HSPA4: variants seen among roughly 807,000 people sequenced by gnomAD.
HSPA4 encodes heat shock 70 kDa protein 4.
Under a neutral mutation model 106.2 loss-of-function variants are expected in HSPA4, and 25 were observed. The observed-to-expected ratio is 0.24, with a 90% CI of 0.17 to 0.33. The LOEUF is 0.33. HSPA4 is among the 10% of genes least tolerant of loss of function. The pLI is 1.00. For synonymous variants in HSPA4, 332 were observed against 333.6 expected (o/e 1.00, Z 0.05); for missense variants, 841 against 996.0 (o/e 0.84, Z 2.10).
At chr5:133,097,942 TGGGTACA>T (rs1765735529) in intron 15 of HSPA4, among the ~76,000 whole-genome samples, 2 of 152,078 alleles carry the variant, frequency 1.3e-5, no homozygotes, top group Non-Finnish European at 2.9e-5. Context: ...GAATAGCTCT[TGGGTACA>T]GGTGGTTTTT....
At chr5:133,081,080 G>A (rs1486355990) in intron 7 of HSPA4, among the ~76,000 whole-genome samples, 1 of 151,888 alleles carries the variant, frequency 6.6e-6, no homozygotes, top group African/African-American at 2.4e-5. Flanking sequence ...CAGAGTCTCA[G>A]TAGGTCACCC....
intron 5 of HSPA4, 133 bp from the exon 6 acceptor site, chr5:133,073,860 T>C: frequency 1.9e-6 from 1 of 529,536 alleles, no homozygotes; most frequent in Non-Finnish European, 3.2e-6. Flanking sequence ...TATACAGTGC[T>C]TATAAAGAAT....
At position 133,067,524 on chromosome 5, in the gene HSPA4, T is replaced by C; in HGVS notation, c.273T>C (p.Ile91=). 6.2e-7 allele frequency: 1 copy of C among 1,613,990 alleles called. No homozygotes were observed. The highest frequency in any genetic ancestry group is 8.5e-7 in the Non-Finnish European group (1 of 1,179,888). The change falls in exon 3 of 19, where the codon ATT becomes ATC. Residue 91 remains isoleucine (I), a synonymous_variant. Transcript: ENST00000304858. ...EAEKSNLAYD[I]VQLPTGLTGI... ...AAAAATCTAACCTTGCATATGATAT[T>C]GTGCAGTTGCCTACAGGATTAACAG... is the stretch of plus-strand genomic sequence containing the variant.
chr5:133,100,783 A>G (rs2126717464), intron 16 of HSPA4, among the ~76,000 whole-genome samples: 1 of 152,238 alleles, frequency 6.6e-6, no homozygotes, highest in East Asian at 1.9e-4. Flanking sequence ...ATTTCTCTTT[A>G]AATTTAGCTC....
chr5:133,068,114 G>A (rs1307000510), intron 3 of HSPA4, among the ~76,000 whole-genome samples: 1 of 151,762 alleles, frequency 6.6e-6, no homozygotes, highest in Non-Finnish European at 1.5e-5. Context: ...GGTTGGTCTC[G>A]AACTCCTGAC....
chr5:133,072,415 T>TG (rs1554088878), intron 4 of HSPA4, among the ~76,000 whole-genome samples: 1 of 145,072 alleles, frequency 6.9e-6, no homozygotes. Context: ...TTTTTTTTTT[T>TG]GGAGACTGAG....
At chr5:133,074,345 C>G (rs1306078084) in intron 6 of HSPA4, among the ~76,000 whole-genome samples, 1 of 150,414 alleles carries the variant, frequency 6.6e-6, no homozygotes, top group African/African-American at 2.5e-5. Flanking sequence ...ATGGCGCGAT[C>G]TTGGCTCACC....
At chr5:133,069,466 G>A (rs1171750122) in intron 3 of HSPA4, among the ~76,000 whole-genome samples, 2 of 151,978 alleles carry the variant, frequency 1.3e-5, no homozygotes, top group African/African-American at 4.8e-5. Flanking sequence ...GGTCACGCTG[G>A]TCTTGAACTC....
rs551989331 is a variant in HSPA4 at position 133,089,451 on chromosome 5, A to C, written c.1245-111A>C. The C allele has an allele frequency of 3.1e-6, 3 of 959,164 alleles. No individual in the cohort carries two copies. The African/African-American group carries it at 4.9e-5, about 16-fold the overall frequency. 59.4% of individuals were successfully genotyped at this position (959,164 alleles called of 1,614,324 possible). A position where few individuals can be genotyped will look rare whatever the true frequency, so the allele number is the denominator to read the frequency against. On this transcript the variant is annotated intron_variant, in intron 10 of 18. Transcript: ENST00000304858. ...CTCTTATAATCTGGAAATAATACCA[A>C]TTGAAAAGAGAGAGAAACTAACACT...
At chr5:133,082,841 A>G (rs1581474527) in intron 7 of HSPA4, among the ~76,000 whole-genome samples, 1 of 152,154 alleles carries the variant, frequency 6.6e-6, no homozygotes, top group Non-Finnish European at 1.5e-5. Context: ...GAAACTATCA[A>G]AAAACCTCTA....
At chr5:133,088,648 G>A in intron 9 of HSPA4, 93 bp downstream of exon 9, 1 of 1,067,702 alleles carries the variant, frequency 9.4e-7, no homozygotes, top group Non-Finnish European at 1.4e-6. Context: ...ATTAGCTCAG[G>A]GTGACTTCAG....
At chr5:133,092,816 T>A in intron 13 of HSPA4, 27 bp downstream of exon 13, 3 of 954,488 alleles carry the variant, frequency 3.1e-6, no homozygotes, top group Non-Finnish European at 4.4e-6. Flanking sequence ...GTTTTTTTTT[T>A]TTTTTTTTTT....
intron 4 of HSPA4, among the ~76,000 whole-genome samples, chr5:133,072,646 A>C (rs1765399076): frequency 6.7e-6 from 1 of 149,540 alleles, no homozygotes; most frequent in South Asian, 2.1e-4. Context: ...ACATCAGGTG[A>C]TCCACCCACC....
intron 7 of HSPA4, among the ~76,000 whole-genome samples, 180 bp from the exon 8 acceptor site, chr5:133,086,602 T>C (rs759596615): frequency 6.6e-6 from 1 of 152,220 alleles, no homozygotes; most frequent in Non-Finnish European, 1.5e-5. Context: ...TGCCAAACAC[T>C]TTTCCCAAGT....
rs1554090678 is a variant in HSPA4 at position 133,106,089 on chromosome 5, TAAAAA to T, written c.*1662_*1666del. On this transcript the variant is annotated 3_prime_UTR_variant, in exon 19 of 19. Coordinates refer to ENST00000304858, the MANE Select transcript of HSPA4 (RefSeq NM_002154.4). Reference sequence around the variant, plus strand: ...CCAGACCGTAATGGCCATTTCTTCTTAAAAAAAAAAAAATTTTTTTTTTTTTTTTT... The same window carrying T: ...CCAGACCGTAATGGCCATTTCTTCTTAAAAAAAATTTTTTTTTTTTTTTTT... 1 of 106,230 alleles carries T rather than the reference TAAAAA, an allele frequency of 9.4e-6. No individual in the cohort carries two copies. The highest frequency in any genetic ancestry group is 2.9e-4 in the East Asian group (1 of 3,456). 6.6% of individuals were successfully genotyped at this position (106,230 alleles called of 1,614,324 possible).
At chr5:133,059,384 G>T (rs1439443568) in intron 1 of HSPA4, among the ~76,000 whole-genome samples, 1 of 151,526 alleles carries the variant, frequency 6.6e-6, no homozygotes, top group Non-Finnish European at 1.5e-5. Flanking sequence ...GGAGGCAGAG[G>T]TTGCAGTGAG....
At chr5:133,065,346 G>A (rs556407693) in intron 2 of HSPA4, among the ~76,000 whole-genome samples, 19 of 152,324 alleles carry the variant, frequency 1.2e-4, no homozygotes, top group African/African-American at 4.6e-4. Context: ...TGTATTAGGT[G>A]TTATAAGTAA....
At chr5:133,078,197 T>TG (rs1351832033) in intron 7 of HSPA4, among the ~76,000 whole-genome samples, 3 of 151,898 alleles carry the variant, frequency 2.0e-5, no homozygotes, top group Non-Finnish European at 2.9e-5. Flanking sequence ...CCGGGTATGG[T>TG]GGCGGGTGCC....
chr5:133,072,022 A>C (rs895035840), intron 4 of HSPA4, among the ~76,000 whole-genome samples: 1 of 151,598 alleles, frequency 6.6e-6, no homozygotes, highest in African/African-American at 2.4e-5. Flanking sequence ...CCTGCATAAC[A>C]CTCTGTGTGG....
Sources: allele counts gnomAD v4.1 joint callset (sites outside exome capture counted in the v4.1 genomes callset), GRCh38; gene constraint gnomAD v4.1.1; transcripts MANE v1.5; gene names NCBI Gene and HGNC (gene_info 2026-07-23, HGNC 2026-07-21).